Variants in TNS1 observed in about 807,000 individuals in gnomAD.
TNS1 encodes tensin 1, also known as tensin-1.
TNS1 carries 62 observed loss-of-function variants against 168.6 expected under a neutral mutation model. That is an observed-to-expected ratio of 0.37 (90% confidence interval 0.30 to 0.45). TNS1 has a LOEUF of 0.45. Among genes scored for constraint, TNS1 ranks in the 20% least tolerant of loss-of-function variants. The pLI is 1.00. For missense variants in TNS1, 2,240 were observed against 2,339.4 expected (o/e 0.96, Z 0.88); for synonymous variants, 934 against 933.2 (o/e 1.00, Z -0.02).
chr2:217,836,154 G>A lies in TNS1; in HGVS notation c.3065C>T (p.Ala1022Val), dbSNP rs777716939. 20 of 1,613,658 alleles carry A rather than the reference G, an allele frequency of 1.2e-5. No homozygotes were observed. The highest frequency in any genetic ancestry group is 8.3e-5 in the Admixed American group (5 of 59,992). The change falls in exon 20 of 33, where the codon GCG (alanine) becomes GTG (valine). Residue 1022 changes from alanine to valine, a missense_variant. Coordinates refer to ENST00000682258, the MANE Select transcript of TNS1 (RefSeq NM_001387777.1). ...GTTCTCATACTGTCCATCACTGGCC[G>A]CCCGCCTCCGCAGAGGGGCTGGGGG... ...AEPPAPLRRRAASDGQYENQS... is the reference protein window; with the variant it reads ...AEPPAPLRRRVASDGQYENQS...
At position 217,966,268 on chromosome 2, in the gene TNS1, CGTGTGTGTGT is replaced by C. The variant is rs3838555; in HGVS notation, c.186+12487_186+12496del. On this transcript the variant is annotated intron_variant, in intron 3 of 32. Coordinates refer to ENST00000682258, the MANE Select transcript of TNS1 (RefSeq NM_001387777.1). The stretch of plus-strand genomic sequence containing the variant: ...CCTCCCTGCTATGGGGAGCAGGCTG[CGTGTGTGTGT>C]GTGTGTGTGTGTGTGTGTGTGTGTG... Among the ~76,000 whole-genome samples the C allele has an allele frequency of 2.9e-3, 409 of 140,846 alleles. 2 individuals carry two copies. The highest frequency in any genetic ancestry group is 9.4e-3 in the African/African-American group (360 of 38,182). The allele number at this position is 140,846 out of a possible 152,430, so 92.4% of individuals were successfully genotyped here.
intron 3 of TNS1, among the ~76,000 whole-genome samples, chr2:217,921,549 C>G (rs112051287): frequency 6.6e-6 from 1 of 152,238 alleles, no homozygotes; most frequent in Non-Finnish European, 1.5e-5. Flanking sequence ...ACCTGTGGGA[C>G]AGTGTGCTCC....
intron 18 of TNS1, among the ~76,000 whole-genome samples, chr2:217,854,409 A>G (rs3791970): frequency 0.096 from 14,590 of 152,216 alleles, 1,060 homozygotes; most frequent in East Asian, 0.33. Context: ...ATGAGTTACT[A>G]AGGTTTTCAG....
chr2:217,921,364 C>T (rs1955688327), intron 3 of TNS1, among the ~76,000 whole-genome samples: 1 of 152,126 alleles, frequency 6.6e-6, no homozygotes, highest in Admixed American at 6.5e-5. Flanking sequence ...GGCAACCCCT[C>T]CCCACCCACC....
intron 3 of TNS1, among the ~76,000 whole-genome samples, chr2:217,961,042 T>C (rs1280355005): frequency 3.9e-5 from 6 of 151,978 alleles, no homozygotes; most frequent in Non-Finnish European, 5.9e-5. Flanking sequence ...GCAGGAAGGC[T>C]CCTCTCTCCC....
At chr2:218,017,637 G>A (rs866092777) in intron 1 of TNS1, among the ~76,000 whole-genome samples, 5 of 152,372 alleles carry the variant, frequency 3.3e-5, no homozygotes, top group African/African-American at 4.8e-5. Flanking sequence ...GCCCTGGCAC[G>A]TGTGGGCCAT....
intron 1 of TNS1, among the ~76,000 whole-genome samples, chr2:218,019,919 TC>T (rs1958792662): frequency 6.6e-6 from 1 of 151,742 alleles, no homozygotes; most frequent in Non-Finnish European, 1.5e-5. Context: ...AGAGTAGCTA[TC>T]CCCCTGCCCG....
chr2:217,896,083 T>G (rs532599766), intron 8 of TNS1, among the ~76,000 whole-genome samples: 1 of 152,368 alleles, frequency 6.6e-6, no homozygotes, highest in East Asian at 1.9e-4. Flanking sequence ...CTTAATTCTC[T>G]CAACAACAAT....
chr2:217,964,663 C>T (rs866418921), intron 3 of TNS1, among the ~76,000 whole-genome samples: 1 of 152,192 alleles, frequency 6.6e-6, no homozygotes, highest in African/African-American at 2.4e-5. Flanking sequence ...TGTATGCAGA[C>T]GAGGGCTCCA....
chr2:218,031,396 TGTGA>T (rs1279633685), intron 1 of TNS1, among the ~76,000 whole-genome samples: 8 of 150,996 alleles, frequency 5.3e-5, no homozygotes, highest in Non-Finnish European at 1.0e-4. Context: ...GAATGTCTTG[TGTGA>T]GTGTGTGAGT....
chr2:217,812,226 AG>A, intron 28 of TNS1, 141 bp downstream of exon 28: 1 of 581,946 alleles, frequency 1.7e-6, no homozygotes, highest in Non-Finnish European at 3.0e-6. Flanking sequence ...AGAAAAGGAG[AG>A]TAGTTTTGAG....
chr2:217,865,359 G>T (rs1295092446), intron 18 of TNS1, among the ~76,000 whole-genome samples: 1 of 152,188 alleles, frequency 6.6e-6, no homozygotes, highest in African/African-American at 2.4e-5. Context: ...AGAAGCCAGG[G>T]CACCACCCTT....
At chr2:217,805,226 T>A (rs1011637960) in intron 32 of TNS1, among the ~76,000 whole-genome samples, 1 of 133,358 alleles carries the variant, frequency 7.5e-6, no homozygotes, top group Non-Finnish European at 1.6e-5. Flanking sequence ...CAAAACAGAG[T>A]TAAAAATATG....
At chr2:217,909,335 T>C (rs1257833119) in intron 4 of TNS1, among the ~76,000 whole-genome samples, 1 of 151,840 alleles carries the variant, frequency 6.6e-6, no homozygotes, top group Non-Finnish European at 1.5e-5. Flanking sequence ...AAGCCCTCAC[T>C]CCTGACCTGT....
chr2:217,850,245 C>G, intron 18 of TNS1: 1 of 985,390 alleles, frequency 1.0e-6, no homozygotes, highest in Non-Finnish European at 1.2e-6. Flanking sequence ...CTCAGCCAAG[C>G]CAACAGTCCC....
At chr2:217,994,390 G>C (rs1958431528) in intron 1 of TNS1, among the ~76,000 whole-genome samples, 1 of 152,070 alleles carries the variant, frequency 6.6e-6, no homozygotes, top group Admixed American at 6.5e-5. Flanking sequence ...TCAGTTTAAG[G>C]GCTGTCTGGG....
chr2:217,805,737 A>G (rs1938843316), intron 32 of TNS1, among the ~76,000 whole-genome samples: 1 of 61,780 alleles, frequency 1.6e-5, no homozygotes, highest in South Asian at 4.5e-4. Context: ...TGCACACACC[A>G]CACATACCAC....
chr2:217,805,525 C>CAACACCACACACCA (rs1559132167), intron 32 of TNS1, among the ~76,000 whole-genome samples: 1 of 1,748 alleles, frequency 5.7e-4, no homozygotes. Context: ...ACCACACACA[C>CAACACCACACACCA]CACACACACC....
At chr2:218,008,670 G>A (rs962853544) in intron 1 of TNS1, among the ~76,000 whole-genome samples, 1 of 152,236 alleles carries the variant, frequency 6.6e-6, no homozygotes, top group African/African-American at 2.4e-5. Context: ...TTTCCCCACT[G>A]CGGAACAGCA....
Sources: gnomAD v4.1 joint callset for allele counts (sites outside exome capture counted in the v4.1 genomes callset) on GRCh38, gnomAD v4.1.1 for gene constraint, MANE v1.5 for transcripts, NCBI Gene and HGNC (gene_info 2026-07-23, HGNC 2026-07-21) for gene names.